CDH12: variants seen among roughly 807,000 people sequenced by gnomAD.
CDH12 encodes the protein cadherin-12.
Under a neutral mutation model 74.1 loss-of-function variants are expected in CDH12, and 41 were observed. That is an observed-to-expected ratio of 0.55 (90% CI 0.43 to 0.72). The LOEUF is 0.72. Ranked by LOEUF, CDH12 falls within the 30% of genes least tolerant of loss-of-function variation. The pLI is 0.00. For synonymous variants in CDH12, 399 were observed against 355.0 expected, an observed-to-expected ratio of 1.12 and a Z score of -1.39; for missense variants, 945 against 977.2, an observed-to-expected ratio of 0.97 and a Z score of 0.44.
intron 5 of CDH12, among the ~76,000 whole-genome samples, chr5:22,060,712 C>T (rs189626049): frequency 6.6e-6 from 1 of 152,006 alleles, no homozygotes; most frequent in Non-Finnish European, 1.5e-5. Flanking sequence ...CCTGCAGGTT[C>T]TTTTTTTGAG....
At chr5:22,201,858 G>A (rs1750940915) in intron 4 of CDH12, among the ~76,000 whole-genome samples, 1 of 152,194 alleles carries the variant, frequency 6.6e-6, no homozygotes, top group African/African-American at 2.4e-5. Flanking sequence ...AGTGACAGAT[G>A]AAGGTGATAA....
chr5:22,008,066 G>A (rs371059665), intron 5 of CDH12, among the ~76,000 whole-genome samples: 5 of 152,166 alleles, frequency 3.3e-5, no homozygotes, highest in African/African-American at 2.4e-5. Context: ...GGTGGTAGAC[G>A]TCCTGCTTTC....
chr5:22,744,711 G>C (rs1299736769), intron 1 of CDH12, among the ~76,000 whole-genome samples: 1 of 151,992 alleles, frequency 6.6e-6, no homozygotes, highest in African/African-American at 2.4e-5. Context: ...TACACATCAT[G>C]AGGTAAGCAT....
chr5:21,852,387 A>G (rs1449879769), intron 7 of CDH12, among the ~76,000 whole-genome samples: 1 of 151,448 alleles, frequency 6.6e-6, no homozygotes, highest in Non-Finnish European at 1.5e-5. Context: ...GTTACATTAC[A>G]TATTCACGTA....
intron 4 of CDH12, among the ~76,000 whole-genome samples, chr5:22,129,808 A>C (rs926917120): frequency 6.6e-6 from 1 of 152,106 alleles, no homozygotes; most frequent in African/African-American, 2.4e-5. Context: ...AGGATGAATT[A>C]CAGAAAGCAA....
chr5:21,807,236 T>A (rs1446808336), intron 9 of CDH12, among the ~76,000 whole-genome samples: 2 of 152,148 alleles, frequency 1.3e-5, no homozygotes, highest in East Asian at 1.9e-4. Flanking sequence ...TACACCCTTA[T>A]GATGACATCC....
Position 22,153,300 on chromosome 5 carries a change from A to G in CDH12, c.-187+59198T>C, listed in dbSNP as rs187255862. ...TACCTAAAATTCTTTATAAATTGCAAATGCTGGTTTAGAAGGTGTGCTGAT... is the reference window on the plus strand; with the variant it reads ...TACCTAAAATTCTTTATAAATTGCAGATGCTGGTTTAGAAGGTGTGCTGAT... On this transcript the variant is annotated intron_variant, in intron 4 of 14. Transcript: ENST00000382254. Among the ~76,000 whole-genome samples the G allele has an allele frequency of 1.2e-4, 18 of 151,204 alleles. No homozygotes were observed. In the East Asian group the frequency reaches 3.1e-3, roughly 26 times the overall value.
intron 1 of CDH12, among the ~76,000 whole-genome samples, chr5:22,515,967 C>A (rs1736792268): frequency 6.6e-6 from 1 of 151,818 alleles, no homozygotes; most frequent in Admixed American, 6.6e-5. Context: ...AGCAATTGTA[C>A]AATACAATTA....
At chr5:21,778,201 T>C (rs1745698836) in intron 11 of CDH12, among the ~76,000 whole-genome samples, 1 of 152,102 alleles carries the variant, frequency 6.6e-6, no homozygotes, top group South Asian at 2.1e-4. Context: ...CTCCAGGGTG[T>C]TGGTCCGAGC....
At chr5:22,172,948 A>T (rs962031013) in intron 4 of CDH12, among the ~76,000 whole-genome samples, 2 of 151,680 alleles carry the variant, frequency 1.3e-5, no homozygotes, top group Admixed American at 6.6e-5. Flanking sequence ...CTCAAACTCA[A>T]ATACAGACAT....
At chr5:22,276,455 C>T (rs1011094376) in intron 3 of CDH12, among the ~76,000 whole-genome samples, 2 of 152,112 alleles carry the variant, frequency 1.3e-5, no homozygotes, top group Non-Finnish European at 2.9e-5. Context: ...TAAATGAATA[C>T]TGATGTCAAA....
intron 1 of CDH12, among the ~76,000 whole-genome samples, chr5:22,659,952 T>G (rs1292990711): frequency 6.6e-6 from 1 of 152,120 alleles, no homozygotes; most frequent in Non-Finnish European, 1.5e-5. Context: ...AATATTGAAA[T>G]TTTATCATAT....
At chr5:22,177,424 G>A (rs1221898684) in intron 4 of CDH12, among the ~76,000 whole-genome samples, 6 of 152,194 alleles carry the variant, frequency 3.9e-5, no homozygotes, top group Admixed American at 2.0e-4. Context: ...ACAGGGGAAG[G>A]AATAATGAAT....
chr5:22,428,263 T>A (rs1004380109), intron 2 of CDH12, among the ~76,000 whole-genome samples: 5 of 152,128 alleles, frequency 3.3e-5, no homozygotes, highest in Non-Finnish European at 7.4e-5. Flanking sequence ...AGCATATGTA[T>A]ATATAGATAT....
intron 5 of CDH12, among the ~76,000 whole-genome samples, chr5:22,008,133 T>C (rs1737072818): frequency 6.6e-6 from 1 of 152,208 alleles, no homozygotes; most frequent in African/African-American, 2.4e-5. Flanking sequence ...CATATATTTG[T>C]TGGCTGTGTT....
chr5:22,483,734 T>C, intron 2 of CDH12, among the ~76,000 whole-genome samples: 1 of 22,640 alleles, frequency 4.4e-5, no homozygotes, highest in East Asian at 8.0e-4. Flanking sequence ...AGCAAGGACC[T>C]GTCTCTTTCA....
chr5:22,508,946 T>G (rs1736499930), intron 1 of CDH12, among the ~76,000 whole-genome samples: 1 of 152,152 alleles, frequency 6.6e-6, no homozygotes, highest in Non-Finnish European at 1.5e-5. Flanking sequence ...TGGCTCAGAA[T>G]AAATCTCTTC....
chr5:22,763,236 T>C (rs185116604), intron 1 of CDH12, among the ~76,000 whole-genome samples: 42 of 152,030 alleles, frequency 2.8e-4, no homozygotes, highest in African/African-American at 9.6e-4. Flanking sequence ...ATCTACAAAA[T>C]AATAAAAATC....
At chr5:22,703,035 C>G (rs1207560051) in intron 1 of CDH12, among the ~76,000 whole-genome samples, 1 of 152,126 alleles carries the variant, frequency 6.6e-6, no homozygotes, top group Non-Finnish European at 1.5e-5. Context: ...TGTTTCATTA[C>G]CCTGCTCATA....
Sources: allele counts gnomAD v4.1 joint callset (sites outside exome capture counted in the v4.1 genomes callset), GRCh38; gene constraint gnomAD v4.1.1; transcripts MANE v1.5; gene names NCBI Gene and HGNC (gene_info 2026-07-23, HGNC 2026-07-21).